KIRREL3: variants seen among roughly 807,000 people sequenced by gnomAD.
The protein encoded by KIRREL3 is kirre like nephrin family adhesion molecule 3, also known as kin of IRRE-like protein 3.
KIRREL3 carries 36 observed loss-of-function variants against 89.7 expected under a neutral mutation model. That is an observed-to-expected ratio of 0.40 (90% CI 0.31 to 0.53). KIRREL3 has a LOEUF of 0.53. Among genes scored for constraint, KIRREL3 ranks in the 20% least tolerant of loss-of-function variants. KIRREL3 has a pLI of 0.49. For missense variants in KIRREL3, 864 were observed against 1,056.6 expected (o/e 0.82, Z 2.53); for synonymous variants, 445 against 441.4 (o/e 1.01, Z -0.10).
chr11:126,792,153 G>T (rs532484344), intron 1 of KIRREL3, among the ~76,000 whole-genome samples: 2 of 152,218 alleles, frequency 1.3e-5, no homozygotes, highest in East Asian at 3.9e-4. Context: ...GGTGGGCCAG[G>T]AATCAGATCC....
At chr11:126,731,746 C>G (rs1040578361) in intron 1 of KIRREL3, among the ~76,000 whole-genome samples, 1 of 152,212 alleles carries the variant, frequency 6.6e-6, no homozygotes, top group African/African-American at 2.4e-5. Context: ...CATCTGGCTC[C>G]CAGTTAGAGA....
intron 1 of KIRREL3, among the ~76,000 whole-genome samples, chr11:126,690,652 T>C (rs1358095492): frequency 6.6e-6 from 1 of 152,226 alleles, no homozygotes; most frequent in Non-Finnish European, 1.5e-5. Context: ...AATTCTCCAG[T>C]TGGCAAAAGA....
At chr11:126,662,261 A>G (rs1945439518) in intron 1 of KIRREL3, among the ~76,000 whole-genome samples, 1 of 152,186 alleles carries the variant, frequency 6.6e-6, no homozygotes, top group Admixed American at 6.5e-5. Flanking sequence ...CATTACCATA[A>G]CAATTGTAAA....
intron 4 of KIRREL3, among the ~76,000 whole-genome samples, chr11:126,509,177 ACAT>A (rs1958120340): frequency 2.0e-5 from 3 of 152,086 alleles, no homozygotes; most frequent in Non-Finnish European, 4.4e-5. Flanking sequence ...TTTTGCTCTG[ACAT>A]CATGCCACCG....
At chr11:126,632,984 C>T (rs556671283) in intron 1 of KIRREL3, among the ~76,000 whole-genome samples, 26 of 151,660 alleles carry the variant, frequency 1.7e-4, no homozygotes, top group African/African-American at 2.9e-4. Context: ...CCCAGCTATT[C>T]GGGAGGCTGA....
At position 126,676,334 on chromosome 11, in the gene KIRREL3, C is replaced by T. The variant is rs1312878014; in HGVS notation, c.56-113422G>A. Among the ~76,000 whole-genome samples the T allele has an allele frequency of 2.0e-5, 3 of 152,166 alleles. No homozygotes were observed. In the East Asian group the frequency reaches 5.8e-4, roughly 29 times the overall value. ...CTGGAGGGCAGAGACTGAGAAGATGCTTTCATAGCCTGGAGTGAAGTCTGT... is the reference window on the plus strand; with the variant it reads ...CTGGAGGGCAGAGACTGAGAAGATGTTTTCATAGCCTGGAGTGAAGTCTGT... On this transcript the variant is annotated intron_variant, in intron 1 of 16. Transcript: ENST00000525144. The surrounding 1 kb of genome is among the most constrained non-coding windows in gnomAD (Gnocchi z 4.5).
rs776598238 is a variant in KIRREL3, at chr11:126,784,663, G to A, written c.55+215792C>T. On this transcript the variant is annotated intron_variant, in intron 1 of 16. Coordinates refer to ENST00000525144, the MANE Select transcript of KIRREL3 (RefSeq NM_032531.4). ...GGAATGAACATAGCCTCATGTTAGGGTATCTGACTTGGTTAGAGGCTAGTA... is the reference window on the plus strand; with the variant it reads ...GGAATGAACATAGCCTCATGTTAGGATATCTGACTTGGTTAGAGGCTAGTA... 1.7e-3 allele frequency among the ~76,000 whole-genome samples: 259 copies of A among 150,382 alleles called. 2 individuals carry two copies. Among genetic ancestry groups the A allele is most frequent in the Admixed American group, 3.6e-3 (54 of 15,018 alleles).
chr11:126,916,887 T>A (rs1319726881), intron 1 of KIRREL3, among the ~76,000 whole-genome samples: 2 of 152,222 alleles, frequency 1.3e-5, no homozygotes, highest in Non-Finnish European at 2.9e-5. Context: ...GCCTGATTCT[T>A]CAGCTGTAAG....
intron 1 of KIRREL3, among the ~76,000 whole-genome samples, chr11:126,925,292 AG>A (rs1947665322): frequency 2.6e-5 from 4 of 152,188 alleles, no homozygotes. Context: ...ATGAGAGAGC[AG>A]GCACACGCAT....
rs1278247702 is a variant in KIRREL3, at chr11:126,870,946, C to T, written c.55+129509G>A. ...GGACCAAAACTGTTCTACATGGCCA[C>T]AACAGGCTTGGATCTCATTGCTCCA... On this transcript the variant is annotated intron_variant, in intron 1 of 16. Coordinates refer to ENST00000525144, the MANE Select transcript of KIRREL3 (RefSeq NM_032531.4). This position sits in a 1 kb window ranked among gnomAD's most constrained non-coding sequence, Gnocchi z 4.4. 1.3e-5 allele frequency among the ~76,000 whole-genome samples: 2 copies of T among 152,160 alleles called. No individual in the cohort carries two copies. Among genetic ancestry groups the T allele is most frequent in the African/African-American group, 4.8e-5 (2 of 41,438 alleles).
chr11:126,750,364 A>G lies in KIRREL3; in HGVS notation c.56-187452T>C, dbSNP rs1485933511. On this transcript the variant is annotated intron_variant, in intron 1 of 16. Coordinates refer to ENST00000525144, the MANE Select transcript of KIRREL3 (RefSeq NM_032531.4). This position sits in a 1 kb window ranked among gnomAD's most constrained non-coding sequence, Gnocchi z 4.2. ...GGCACTCTGGTTGTAAATATGTTTGATGCTCCTACGTGTGGGTGCTCGAAG... is the reference window on the plus strand; with the variant it reads ...GGCACTCTGGTTGTAAATATGTTTGGTGCTCCTACGTGTGGGTGCTCGAAG... Among the ~76,000 whole-genome samples, 3 of 152,174 alleles carry G rather than the reference A, an allele frequency of 2.0e-5. No individual in the cohort carries two copies. Among genetic ancestry groups the G allele is most frequent in the Non-Finnish European group, 2.9e-5 (2 of 68,030 alleles).
Position 126,703,068 on chromosome 11 carries a change from G to C in KIRREL3, c.56-140156C>G, listed in dbSNP as rs1242919100. ...GGTGAGTATGGACCTAAATGAGAAG[G>C]GTGAGTAGTAGATGGCGTATTCTCT... On this transcript the variant is annotated intron_variant, in intron 1 of 16. Coordinates refer to ENST00000525144, the MANE Select transcript of KIRREL3 (RefSeq NM_032531.4). The surrounding 1 kb of genome is among the most constrained non-coding windows in gnomAD (Gnocchi z 4.6). 6.6e-6 allele frequency among the ~76,000 whole-genome samples: 1 copy of C among 152,222 alleles called. No homozygotes were observed.
chr11:126,957,637 G>A (rs1948963189), intron 1 of KIRREL3, among the ~76,000 whole-genome samples: 1 of 152,176 alleles, frequency 6.6e-6, no homozygotes, highest in Non-Finnish European at 1.5e-5. Context: ...GATGGGAGAA[G>A]TTTCTAAGAT....
chr11:126,985,176 G>A lies in KIRREL3; in HGVS notation c.55+15279C>T, dbSNP rs535555764. Among the ~76,000 whole-genome samples, 19 of 152,274 alleles carry A rather than the reference G, an allele frequency of 1.2e-4. No individual in the cohort carries two copies. The highest frequency in any genetic ancestry group is 2.1e-4 in the South Asian group (1 of 4,824). On this transcript the variant is annotated intron_variant, in intron 1 of 16. Coordinates refer to ENST00000525144, the MANE Select transcript of KIRREL3 (RefSeq NM_032531.4). This position sits in a 1 kb window ranked among gnomAD's most constrained non-coding sequence, Gnocchi z 5.3. The stretch of plus-strand genomic sequence containing the variant: ...GCAATAATAATGATAAATAGAGCAC[G>A]TTCTCTGATGAAACACTTTCATGGG...
intron 1 of KIRREL3, among the ~76,000 whole-genome samples, chr11:126,915,093 T>C (rs1245321093): frequency 6.6e-6 from 1 of 152,184 alleles, no homozygotes; most frequent in Non-Finnish European, 1.5e-5. Flanking sequence ...TTACACCATA[T>C]TGGAGTTCAC....
chr11:126,604,304 G>A (rs542654776), intron 1 of KIRREL3, among the ~76,000 whole-genome samples: 1 of 152,298 alleles, frequency 6.6e-6, no homozygotes, highest in African/African-American at 2.4e-5. Flanking sequence ...GAAGGTCTGA[G>A]GCATTCTGTT....
rs1297868066 is a variant in KIRREL3, at chr11:126,471,292, C to T, written c.591+2017G>A. On this transcript the variant is annotated intron_variant, in intron 5 of 16. Coordinates refer to ENST00000525144, the MANE Select transcript of KIRREL3 (RefSeq NM_032531.4). The surrounding 1 kb of genome is among the most constrained non-coding windows in gnomAD (Gnocchi z 5.4). ...GGCTGAGGCAGGAGAATCACTTGAGCCCAGGAGGTGGAGGTTGCGGTGAGC... is the reference window on the plus strand; with the variant it reads ...GGCTGAGGCAGGAGAATCACTTGAGTCCAGGAGGTGGAGGTTGCGGTGAGC... Among the ~76,000 whole-genome samples, 1 of 152,004 alleles carries T rather than the reference C, an allele frequency of 6.6e-6. No homozygotes were observed. The highest frequency in any genetic ancestry group is 1.5e-5 in the Non-Finnish European group (1 of 68,030).
rs575095936 is a variant in KIRREL3, at chr11:126,969,602, G to A, written c.55+30853C>T. 5.3e-5 allele frequency among the ~76,000 whole-genome samples: 8 copies of A among 152,260 alleles called. No individual in the cohort carries two copies. The South Asian group carries it at 1.7e-3, about 32-fold the overall frequency. ...GGAGAACACAAGAAATATCCCCACG[G>A]CACAGCCTACCCAAGTGAATAAGGC... is the stretch of plus-strand genomic sequence containing the variant. On this transcript the variant is annotated intron_variant, in intron 1 of 16. Transcript: ENST00000525144. This position sits in a 1 kb window ranked among gnomAD's most constrained non-coding sequence, Gnocchi z 4.9.
At position 126,703,180 on chromosome 11, in the gene KIRREL3, G is replaced by T. The variant is rs887494260; in HGVS notation, c.56-140268C>A. On this transcript the variant is annotated intron_variant, in intron 1 of 16. Transcript: ENST00000525144. The surrounding 1 kb of genome is among the most constrained non-coding windows in gnomAD (Gnocchi z 4.6). ...CAGTAGGCCTGGATTCCTTCCAGCC[G>T]TGCTGCTTCCTGCCATTTACTCCAT... Among the ~76,000 whole-genome samples the T allele has an allele frequency of 6.6e-6, 1 of 152,198 alleles. No individual in the cohort carries two copies. The highest frequency in any genetic ancestry group is 1.5e-5 in the Non-Finnish European group (1 of 68,048).
Sources: allele counts gnomAD v4.1 joint callset (sites outside exome capture counted in the v4.1 genomes callset), GRCh38; gene constraint gnomAD v4.1.1; non-coding constraint Gnocchi (gnomAD v3.1); transcripts MANE v1.5; gene names NCBI Gene and HGNC (gene_info 2026-07-23, HGNC 2026-07-21).